ALK: variants seen among roughly 807,000 people sequenced by gnomAD.
ALK encodes ALK tyrosine kinase receptor.
ALK carries 74 observed loss-of-function variants against 163.1 expected under a neutral mutation model. The ratio of observed to expected loss-of-function variants is 0.45; its 90% CI spans 0.38 to 0.55. The LOEUF (loss-of-function observed/expected upper bound fraction) is 0.55. ALK is among the 20% of genes least tolerant of loss of function. The pLI is 0.00. For synonymous variants in ALK, 960 were observed against 843.2 expected (o/e 1.14, Z -2.40); for missense variants, 2,063 against 2,105.3 (o/e 0.98, Z 0.39).
chr2:29,635,070 A>C (rs192752366), intron 3 of ALK, among the ~76,000 whole-genome samples: 13 of 152,320 alleles, frequency 8.5e-5, no homozygotes, highest in African/African-American at 2.6e-4. Flanking sequence ...GCTTAAATCT[A>C]ACAAAACCGG....
At chr2:29,443,156 G>A (rs1453981159) in intron 4 of ALK, among the ~76,000 whole-genome samples, 1 of 152,144 alleles carries the variant, frequency 6.6e-6, no homozygotes, top group African/African-American at 2.4e-5. Flanking sequence ...CTTTCTCCTT[G>A]TTTGCCTCTG....
chr2:29,758,690 C>T (rs897178034), intron 1 of ALK, among the ~76,000 whole-genome samples: 1 of 152,176 alleles, frequency 6.6e-6, no homozygotes, highest in African/African-American at 2.4e-5. Flanking sequence ...CCATGGGTGA[C>T]CTCCTTTCTG....
intron 4 of ALK, among the ~76,000 whole-genome samples, chr2:29,474,133 T>C (rs1207246238): frequency 1.3e-5 from 2 of 152,242 alleles, no homozygotes; most frequent in African/African-American, 4.8e-5. Context: ...ATTCACTGGA[T>C]ATATTGTGGT....
At chr2:29,630,344 C>T (rs571034437) in intron 3 of ALK, among the ~76,000 whole-genome samples, 1 of 152,274 alleles carries the variant, frequency 6.6e-6, no homozygotes, top group South Asian at 2.1e-4. Context: ...CTGGTATTAA[C>T]AGAGACATCA....
At chr2:29,394,922 A>G (rs77083638) in intron 4 of ALK, among the ~76,000 whole-genome samples, 10,169 of 151,940 alleles carry the variant, frequency 0.067, 457 homozygotes, top group Non-Finnish European at 0.1. Flanking sequence ...TAAAGACAAC[A>G]TTGAAACTGA....
chr2:29,465,879 A>T (rs987322315), intron 4 of ALK, among the ~76,000 whole-genome samples: 40 of 152,196 alleles, frequency 2.6e-4, no homozygotes, highest in African/African-American at 9.6e-4. Context: ...TAATGAAAAA[A>T]TAATGGCAAT....
chr2:29,453,932 T>C (rs1405802255), intron 4 of ALK, among the ~76,000 whole-genome samples: 4 of 152,144 alleles, frequency 2.6e-5, no homozygotes, highest in African/African-American at 9.7e-5. Flanking sequence ...TTTGATTGAG[T>C]TCAATTTAAT....
chr2:29,552,180 A>G (rs986466529), intron 3 of ALK, among the ~76,000 whole-genome samples: 2 of 152,184 alleles, frequency 1.3e-5, no homozygotes, highest in Non-Finnish European at 2.9e-5. Flanking sequence ...ATTTCACAGC[A>G]TGTATCTGAA....
At chr2:29,853,511 C>T (rs948243868) in intron 1 of ALK, among the ~76,000 whole-genome samples, 1 of 152,168 alleles carries the variant, frequency 6.6e-6, no homozygotes, top group African/African-American at 2.4e-5. Flanking sequence ...CTTCTACCAC[C>T]CAGTTCCGCC....
chr2:29,280,095 G>A (rs1380789549), intron 9 of ALK, among the ~76,000 whole-genome samples: 5 of 152,128 alleles, frequency 3.3e-5, no homozygotes, highest in African/African-American at 1.2e-4. Flanking sequence ...GCATGTACCA[G>A]GTGGACTGCT....
intron 19 of ALK, 54 bp from the exon 20 acceptor site, chr2:29,223,582 C>T (rs1278573079): frequency 2.5e-6 from 4 of 1,580,324 alleles, no homozygotes; most frequent in Non-Finnish European, 1.7e-6. Flanking sequence ...CCTTGAAGCA[C>T]TACACAGGCC....
At chr2:29,703,292 T>G (rs920207437) in intron 2 of ALK, among the ~76,000 whole-genome samples, 12 of 152,244 alleles carry the variant, frequency 7.9e-5, no homozygotes, top group Non-Finnish European at 1.5e-4. Context: ...ACTTGTTGAA[T>G]GGTGATGTCT....
At chr2:29,641,772 G>A (rs571003947) in intron 3 of ALK, among the ~76,000 whole-genome samples, 8 of 152,172 alleles carry the variant, frequency 5.3e-5, no homozygotes, top group African/African-American at 1.9e-4. Flanking sequence ...GCTTTAAAGG[G>A]GAACCTTCAC....
intron 3 of ALK, among the ~76,000 whole-genome samples, chr2:29,609,301 ACTCT>A (rs1472779408): frequency 6.7e-6 from 1 of 150,162 alleles, no homozygotes; most frequent in Non-Finnish European, 1.5e-5. Flanking sequence ...TCTTTTGTCC[ACTCT>A]CTCTGGTGCC....
intron 4 of ALK, among the ~76,000 whole-genome samples, chr2:29,410,563 T>C (rs1669702539): frequency 6.6e-6 from 1 of 152,180 alleles, no homozygotes; most frequent in South Asian, 2.1e-4. Flanking sequence ...AACTTTCTAC[T>C]ACACACCTAG....
intron 1 of ALK, among the ~76,000 whole-genome samples, chr2:29,804,083 ATC>A (rs987219265): frequency 1.3e-5 from 2 of 152,216 alleles, no homozygotes; most frequent in African/African-American, 2.4e-5. Flanking sequence ...GGAAAACTAA[ATC>A]TCTTTTTCTT....
At chr2:29,215,818 C>T (rs1669589061) in intron 23 of ALK, among the ~76,000 whole-genome samples, 1 of 152,242 alleles carries the variant, frequency 6.6e-6, no homozygotes. Flanking sequence ...CCCTGCTGGC[C>T]TCTTCCAGGC....
chr2:29,269,848 C>G (rs1008671137), intron 11 of ALK, among the ~76,000 whole-genome samples: 2 of 152,174 alleles, frequency 1.3e-5, no homozygotes, highest in Non-Finnish European at 2.9e-5. Flanking sequence ...TCCAAGTGCA[C>G]CAGTGAAGGC....
At chr2:29,536,872 C>A (rs771165809) in intron 3 of ALK, among the ~76,000 whole-genome samples, 39 of 152,208 alleles carry the variant, frequency 2.6e-4, no homozygotes, top group Non-Finnish European at 4.1e-4. Flanking sequence ...AATAATTGGG[C>A]TGCATTCATG....
Sources: gnomAD v4.1 joint callset for allele counts (sites outside exome capture counted in the v4.1 genomes callset) on GRCh38, gnomAD v4.1.1 for gene constraint, MANE v1.5 for transcripts, NCBI Gene and HGNC (gene_info 2026-07-23, HGNC 2026-07-21) for gene names.